PTPRD: variants seen among roughly 807,000 people sequenced by gnomAD.
PTPRD encodes protein tyrosine phosphatase receptor type D.
A neutral mutation model predicts 214.5 loss-of-function variants in PTPRD; 34 were observed. The observed-to-expected ratio is 0.16, with a 90% confidence interval of 0.12 to 0.21. PTPRD has a LOEUF of 0.21. PTPRD is among the 10% of genes least tolerant of loss of function. The pLI is 1.00. For missense variants in PTPRD, 2,545 were observed against 2,398.7 expected, an observed-to-expected ratio of 1.06 and a Z score of -1.27; for synonymous variants, 1,128 against 845.7, an observed-to-expected ratio of 1.33 and a Z score of -5.79.
intron 3 of PTPRD, among the ~76,000 whole-genome samples, chr9:10,182,692 GT>G (rs2099306108): frequency 6.6e-6 from 1 of 152,104 alleles, no homozygotes; most frequent in African/African-American, 2.4e-5. Context: ...ATAAACAGTA[GT>G]TTGGCAAAAA....
chr9:9,751,111 C>A (rs1183275331), intron 6 of PTPRD, among the ~76,000 whole-genome samples: 1 of 152,092 alleles, frequency 6.6e-6, no homozygotes, highest in African/African-American at 2.4e-5. Flanking sequence ...CTCTTATCCA[C>A]ACAATAAAAC....
At chr9:8,519,746 T>C (rs936320692) in intron 20 of PTPRD, among the ~76,000 whole-genome samples, 3 of 152,298 alleles carry the variant, frequency 2.0e-5, no homozygotes, top group Middle Eastern at 3.4e-3. Flanking sequence ...TTTATTTTAA[T>C]TTGCCATTAA....
At chr9:9,787,179 T>G (rs1254320713) in intron 5 of PTPRD, among the ~76,000 whole-genome samples, 1 of 151,724 alleles carries the variant, frequency 6.6e-6, no homozygotes, top group Non-Finnish European at 1.5e-5. Flanking sequence ...TAAAAATCAA[T>G]TTTATTTCTC....
chr9:9,140,272 T>C (rs2099857955), intron 10 of PTPRD, among the ~76,000 whole-genome samples: 2 of 152,188 alleles, frequency 1.3e-5, no homozygotes, highest in Non-Finnish European at 2.9e-5. Context: ...TGCAGTGTTT[T>C]ATCTTGATAG....
intron 8 of PTPRD, among the ~76,000 whole-genome samples, chr9:9,501,231 G>A (rs952581352): frequency 6.6e-6 from 1 of 151,824 alleles, no homozygotes; most frequent in Non-Finnish European, 1.5e-5. Context: ...ACAAATAAGA[G>A]TCACTAAAAT....
intron 8 of PTPRD, among the ~76,000 whole-genome samples, chr9:9,431,026 T>C (rs1410259275): frequency 6.6e-6 from 1 of 152,074 alleles, no homozygotes; most frequent in Non-Finnish European, 1.5e-5. Context: ...CCAAAAGCAA[T>C]GGCAACAAAA....
chr9:8,729,386 A>C (rs2098629930), intron 12 of PTPRD, among the ~76,000 whole-genome samples: 2 of 152,152 alleles, frequency 1.3e-5, no homozygotes, highest in South Asian at 2.1e-4. Flanking sequence ...TGGAGACTTT[A>C]ACTTGCTACA....
intron 7 of PTPRD, among the ~76,000 whole-genome samples, chr9:9,639,365 G>A (rs1447683894): frequency 6.6e-6 from 1 of 152,086 alleles, no homozygotes; most frequent in African/African-American, 2.4e-5. Context: ...AACATTTTCT[G>A]AAAAACTCCT....
At chr9:9,263,400 T>C (rs995929921) in intron 9 of PTPRD, among the ~76,000 whole-genome samples, 1 of 151,700 alleles carries the variant, frequency 6.6e-6, no homozygotes, top group Admixed American at 6.6e-5. Context: ...TGAATGACTA[T>C]AAATGAACGA....
chr9:9,213,241 G>C (rs1012649927), intron 9 of PTPRD, among the ~76,000 whole-genome samples: 1 of 152,116 alleles, frequency 6.6e-6, no homozygotes, highest in Admixed American at 6.6e-5. Context: ...CATTAACTGA[G>C]AGGCGTAAAT....
intron 3 of PTPRD, among the ~76,000 whole-genome samples, chr9:10,106,824 G>C (rs532304466): frequency 2.6e-5 from 4 of 151,972 alleles, no homozygotes; most frequent in Non-Finnish European, 5.9e-5. Flanking sequence ...TATGTAAAAT[G>C]TCTATATGTT....
intron 2 of PTPRD, among the ~76,000 whole-genome samples, chr9:10,352,571 G>C (rs1298849341): frequency 6.6e-6 from 1 of 151,048 alleles, no homozygotes; most frequent in Non-Finnish European, 1.5e-5. Flanking sequence ...ATATAGATCA[G>C]AAGGAGAAAT....
At chr9:10,535,222 T>C (rs919094169) in intron 2 of PTPRD, among the ~76,000 whole-genome samples, 1 of 152,122 alleles carries the variant, frequency 6.6e-6, no homozygotes, top group Non-Finnish European at 1.5e-5. Flanking sequence ...TGCTTTAATG[T>C]TGAATACTGG....
At chr9:8,934,484 T>A (rs1334962770) in intron 11 of PTPRD, among the ~76,000 whole-genome samples, 2,212 of 15,588 alleles carry the variant, frequency 0.14, 352 homozygotes, top group East Asian at 0.37. Context: ...TATAAATATA[T>A]ATATATATAA....
chr9:10,491,630 G>T (rs1433346930), intron 2 of PTPRD, among the ~76,000 whole-genome samples: 1 of 151,540 alleles, frequency 6.6e-6, no homozygotes, highest in Admixed American at 6.6e-5. Flanking sequence ...AAAAATTTAG[G>T]CCCCATTAAA....
At chr9:9,157,012 G>GT (rs2099881793) in intron 10 of PTPRD, among the ~76,000 whole-genome samples, 1 of 152,130 alleles carries the variant, frequency 6.6e-6, no homozygotes, top group African/African-American at 2.4e-5. Context: ...CATATTTTCA[G>GT]TTTTTTGGAC....
intron 6 of PTPRD, among the ~76,000 whole-genome samples, chr9:9,736,397 T>A (rs2098295422): frequency 6.6e-6 from 1 of 152,102 alleles, no homozygotes; most frequent in Non-Finnish European, 1.5e-5. Flanking sequence ...TAGTATTCCA[T>A]TGGATAAATA....
intron 9 of PTPRD, among the ~76,000 whole-genome samples, chr9:9,203,493 T>C (rs1267424277): frequency 2.0e-5 from 3 of 152,182 alleles, no homozygotes; most frequent in Admixed American, 1.3e-4. Flanking sequence ...AAATCACTTC[T>C]TCCTCTCCCT....
chr9:8,332,987 A>G (rs1490791412), intron 43 of PTPRD, among the ~76,000 whole-genome samples: 1 of 152,174 alleles, frequency 6.6e-6, no homozygotes, highest in African/African-American at 2.4e-5. Context: ...ATCCTTTATC[A>G]TTCACTCATA....
Sources: gnomAD v4.1 joint callset for allele counts (sites outside exome capture counted in the v4.1 genomes callset) on GRCh38, gnomAD v4.1.1 for gene constraint, MANE v1.5 for transcripts, NCBI Gene and HGNC (gene_info 2026-07-23, HGNC 2026-07-21) for gene names.